The following ARHGAP22 variants were observed in gnomAD, a reference collection of about 807,000 sequenced individuals.
ARHGAP22 encodes the protein Rho GTPase activating protein 22, also known as rho GTPase-activating protein 22.
A neutral mutation model predicts 59.1 loss-of-function variants in ARHGAP22; 48 were observed. The ratio of observed to expected loss-of-function variants is 0.81; its 90% CI spans 0.64 to 1.03. ARHGAP22 has a LOEUF of 1.03. Among genes scored for constraint, ARHGAP22 ranks in the 50% least tolerant of loss-of-function variants. ARHGAP22 has a pLI of 0.00. For synonymous variants in ARHGAP22, 445 were observed against 416.4 expected (o/e 1.07, Z -0.84); for missense variants, 1,015 against 958.7 (o/e 1.06, Z -0.78).
intron 1 of ARHGAP22, among the ~76,000 whole-genome samples, chr10:48,629,950 T>C (rs2061573292): frequency 6.6e-6 from 1 of 152,252 alleles, no homozygotes; most frequent in South Asian, 2.1e-4. Flanking sequence ...TTCATTCTTT[T>C]GGTGCTATTT....
intron 1 of ARHGAP22, among the ~76,000 whole-genome samples, chr10:48,646,344 G>A (rs1310924398): frequency 6.6e-6 from 1 of 152,114 alleles, no homozygotes; most frequent in East Asian, 1.9e-4. Context: ...ATGCTAATTT[G>A]AAATTTTATA....
intron 3 of ARHGAP22, among the ~76,000 whole-genome samples, chr10:48,537,872 C>T (rs2055526891): frequency 6.6e-6 from 1 of 152,176 alleles, no homozygotes; most frequent in African/African-American, 2.4e-5. Context: ...GATGGGAGAC[C>T]CGCCAGGAGT....
At chr10:48,504,767 TG>T (rs1333038830) in intron 3 of ARHGAP22, among the ~76,000 whole-genome samples, 1 of 151,886 alleles carries the variant, frequency 6.6e-6, no homozygotes, top group East Asian at 1.9e-4. Flanking sequence ...AAGCAGAGGC[TG>T]GGGCCACATG....
chr10:48,619,138 G>A (rs779813196), intron 1 of ARHGAP22, among the ~76,000 whole-genome samples: 2 of 152,020 alleles, frequency 1.3e-5, no homozygotes, highest in Non-Finnish European at 1.5e-5. Context: ...GTTTAACCAA[G>A]GTGGTGAAAG....
intron 2 of ARHGAP22, among the ~76,000 whole-genome samples, chr10:48,581,087 T>C (rs762570298): frequency 5.9e-5 from 9 of 152,132 alleles, no homozygotes; most frequent in Non-Finnish European, 1.2e-4. Flanking sequence ...GTACTCTGCC[T>C]TCCCCCAAAG....
At chr10:48,454,798 C>A (rs924037446) in intron 6 of ARHGAP22, among the ~76,000 whole-genome samples, 4 of 152,068 alleles carry the variant, frequency 2.6e-5, no homozygotes, top group Admixed American at 6.5e-5. Context: ...GATTCCCCAG[C>A]CCTCCCCGAC....
intron 1 of ARHGAP22, among the ~76,000 whole-genome samples, chr10:48,595,305 T>A (rs1032506239): frequency 6.6e-6 from 1 of 152,056 alleles, no homozygotes; most frequent in Non-Finnish European, 1.5e-5. Flanking sequence ...AAAGATTGAT[T>A]GAGGAGAGAG....
chr10:48,582,905 T>C (rs761640739), intron 2 of ARHGAP22, 48 bp downstream of exon 2: 1 of 1,599,676 alleles, frequency 6.3e-7, no homozygotes, highest in South Asian at 1.1e-5. Flanking sequence ...TTCCCTCTTG[T>C]GGAGCCCTGC....
At chr10:48,592,693 TTGACCC>T (rs2059833894) in intron 1 of ARHGAP22, among the ~76,000 whole-genome samples, 1 of 152,182 alleles carries the variant, frequency 6.6e-6, no homozygotes, top group South Asian at 2.1e-4. Context: ...AACCCTGGCC[TTGACCC>T]TGCCAATGCT....
chr10:48,471,797 T>C (rs371192587), intron 4 of ARHGAP22, among the ~76,000 whole-genome samples: 80 of 152,358 alleles, frequency 5.3e-4, no homozygotes, highest in African/African-American at 1.9e-3. Flanking sequence ...TGCAAATTCA[T>C]CTCCAGCTCC....
At chr10:48,650,079 A>G (rs1367910863) in intron 1 of ARHGAP22, among the ~76,000 whole-genome samples, 3 of 148,798 alleles carry the variant, frequency 2.0e-5, no homozygotes, top group African/African-American at 7.4e-5. Flanking sequence ...AAAGATAAAC[A>G]CACAGAGGTG....
chr10:48,462,781 CAGG>C (rs1234617381), intron 4 of ARHGAP22, among the ~76,000 whole-genome samples: 1 of 152,270 alleles, frequency 6.6e-6, no homozygotes, highest in Non-Finnish European at 1.5e-5. Context: ...GCCTTGAGCA[CAGG>C]AGGTGATCCT....
chr10:48,588,510 C>G (rs1184081344), intron 1 of ARHGAP22, among the ~76,000 whole-genome samples: 1 of 152,170 alleles, frequency 6.6e-6, no homozygotes, highest in Non-Finnish European at 1.5e-5. Context: ...AACCAGGCCT[C>G]AAGTCAAACA....
At chr10:48,548,347 G>A (rs376539715) in intron 3 of ARHGAP22, among the ~76,000 whole-genome samples, 2 of 151,846 alleles carry the variant, frequency 1.3e-5, no homozygotes, top group South Asian at 2.1e-4. Context: ...CCACTCCCCC[G>A]GCCCCACCCC....
intron 3 of ARHGAP22, among the ~76,000 whole-genome samples, chr10:48,490,994 C>T (rs977327989): frequency 6.6e-5 from 10 of 152,230 alleles, no homozygotes; most frequent in African/African-American, 2.4e-4. Context: ...TCTCACTGCT[C>T]ACCTGGTCTG....
chr10:48,507,386 T>C (rs556263313), intron 3 of ARHGAP22, among the ~76,000 whole-genome samples: 2 of 152,350 alleles, frequency 1.3e-5, no homozygotes, highest in East Asian at 3.9e-4. Flanking sequence ...CACTGCTTTA[T>C]GATATGCGTA....
At chr10:48,536,760 G>C (rs912749227) in intron 3 of ARHGAP22, among the ~76,000 whole-genome samples, 2 of 152,204 alleles carry the variant, frequency 1.3e-5, no homozygotes, top group South Asian at 2.1e-4. Flanking sequence ...GGTGTTTCCT[G>C]AAGCCTCAGC....
exon 1 of ARHGAP22, chr10:48,652,534 G>T (rs1378147025): frequency 1.1e-5 from 6 of 540,236 alleles, no homozygotes; most frequent in Non-Finnish European, 2.0e-5. Context: ...AGAAAGTCAC[G>T]GGGTCTTGGG....
chr10:48,471,097 G>T (rs1353089544), intron 4 of ARHGAP22, among the ~76,000 whole-genome samples: 1 of 152,228 alleles, frequency 6.6e-6, no homozygotes, highest in Non-Finnish European at 1.5e-5. Flanking sequence ...TCAGGGAGCT[G>T]TATTTCTCCC....
Sources: allele counts gnomAD v4.1 joint callset (sites outside exome capture counted in the v4.1 genomes callset), GRCh38; gene constraint gnomAD v4.1.1; transcripts MANE v1.5; gene names NCBI Gene and HGNC (gene_info 2026-07-23, HGNC 2026-07-21).